LRRC4C: variants seen among roughly 807,000 people sequenced by gnomAD.
LRRC4C encodes the protein leucine rich repeat containing 4C, also known as leucine-rich repeat-containing protein 4C.
In LRRC4C, 5 loss-of-function variants were observed where a neutral mutation model predicts 33.6. The ratio of observed to expected loss-of-function variants is 0.15; its 90% CI spans 0.08 to 0.31. The LOEUF is 0.31. LRRC4C is among the 10% of genes least tolerant of loss of function. The probability of loss-of-function intolerance (pLI) is 1.00; values close to 1 mark genes in which losing one functional copy is unlikely to be tolerated. For missense variants in LRRC4C, 560 were observed against 796.7 expected (o/e 0.70, Z 3.58); for synonymous variants, 329 against 302.0 (o/e 1.09, Z -0.93).
chr11:40,425,720 G>T (rs942572150), intron 3 of LRRC4C, among the ~76,000 whole-genome samples: 13 of 152,192 alleles, frequency 8.5e-5, no homozygotes, highest in Non-Finnish European at 1.8e-4. Flanking sequence ...GACACTAATT[G>T]TCTTGTCTCA....
chr11:40,318,592 GTT>G (rs1163189816), intron 4 of LRRC4C, among the ~76,000 whole-genome samples: 2 of 151,758 alleles, frequency 1.3e-5, no homozygotes, highest in East Asian at 3.9e-4. Context: ...TATTTCCTTG[GTT>G]TTGTTTTTAC....
At chr11:40,323,430 C>G (rs1945948858) in intron 3 of LRRC4C, among the ~76,000 whole-genome samples, 1 of 152,212 alleles carries the variant, frequency 6.6e-6, no homozygotes, top group South Asian at 2.1e-4. Flanking sequence ...TTCTTGCCAA[C>G]TTGGAACAGA....
intron 3 of LRRC4C, among the ~76,000 whole-genome samples, chr11:40,609,318 C>T (rs1960956171): frequency 6.6e-6 from 1 of 151,764 alleles, no homozygotes; most frequent in African/African-American, 2.4e-5. Context: ...CCTAAATAAG[C>T]AATGGGTCAA....
At chr11:40,699,540 A>G (rs4556532) in intron 2 of LRRC4C, among the ~76,000 whole-genome samples, 30,502 of 152,188 alleles carry the variant, frequency 0.2, 3,405 homozygotes, top group East Asian at 0.44. Flanking sequence ...TCCCAATGCC[A>G]TGTTGACTCG....
chr11:41,018,893 G>A (rs1011162598), intron 1 of LRRC4C, among the ~76,000 whole-genome samples: 1 of 151,998 alleles, frequency 6.6e-6, no homozygotes, highest in African/African-American at 2.4e-5. Context: ...TTGATATTGA[G>A]GTGCAATTTA....
At chr11:41,289,554 C>T (rs756538678) in intron 1 of LRRC4C, among the ~76,000 whole-genome samples, 8 of 152,096 alleles carry the variant, frequency 5.3e-5, no homozygotes, top group Non-Finnish European at 8.8e-5. Context: ...GAGAGTTCTC[C>T]CCTTCTACAT....
chr11:40,474,132 C>T (rs545496815), intron 3 of LRRC4C, among the ~76,000 whole-genome samples: 10 of 152,110 alleles, frequency 6.6e-5, no homozygotes, highest in Admixed American at 2.0e-4. Context: ...CCAAGAAGTG[C>T]CCATATAGCC....
intron 1 of LRRC4C, among the ~76,000 whole-genome samples, chr11:41,458,363 T>C (rs919792238): frequency 1.3e-5 from 2 of 152,124 alleles, no homozygotes; most frequent in African/African-American, 4.8e-5. Flanking sequence ...TAGAAACCTA[T>C]TTACAAGTGA....
At chr11:40,208,327 T>C (rs144598558) in intron 5 of LRRC4C, among the ~76,000 whole-genome samples, 2 of 152,274 alleles carry the variant, frequency 1.3e-5, no homozygotes, top group South Asian at 2.1e-4. Context: ...GGGAAGTCAA[T>C]TGAAATTCTA....
intron 4 of LRRC4C, among the ~76,000 whole-genome samples, chr11:40,284,985 G>A (rs1350578403): frequency 6.6e-6 from 1 of 152,020 alleles, no homozygotes; most frequent in Non-Finnish European, 1.5e-5. Flanking sequence ...GGCATCCACT[G>A]GGGATCATGG....
At chr11:40,623,442 C>T (rs1962647286) in intron 3 of LRRC4C, among the ~76,000 whole-genome samples, 1 of 151,852 alleles carries the variant, frequency 6.6e-6, no homozygotes, top group Non-Finnish European at 1.5e-5. Context: ...ACTTATCTAG[C>T]TATGAAAATA....
intron 3 of LRRC4C, among the ~76,000 whole-genome samples, chr11:40,391,584 C>T (rs1160819540): frequency 1.3e-5 from 2 of 152,172 alleles, no homozygotes; most frequent in East Asian, 1.9e-4. Context: ...AGTATTTGAA[C>T]TCAGTCCACC....
At chr11:40,633,554 AATTTTTGT>A (rs1963703600) in intron 3 of LRRC4C, among the ~76,000 whole-genome samples, 1 of 151,562 alleles carries the variant, frequency 6.6e-6, no homozygotes, top group Non-Finnish European at 1.5e-5. Context: ...ACGCCTGGCT[AATTTTTGT>A]ATTTTTAGTA....
chr11:41,396,048 AT>A (rs543944611), intron 1 of LRRC4C, among the ~76,000 whole-genome samples: 69 of 152,018 alleles, frequency 4.5e-4, no homozygotes, highest in African/African-American at 1.6e-3. Flanking sequence ...ACTTTTTGCT[AT>A]TTTTTTCGGC....
chr11:40,651,654 C>T (rs1942812297), intron 2 of LRRC4C, among the ~76,000 whole-genome samples: 1 of 152,184 alleles, frequency 6.6e-6, no homozygotes, highest in Non-Finnish European at 1.5e-5. Flanking sequence ...GCACACCCTT[C>T]TGCTTATCAG....
At chr11:41,317,724 A>T (rs1311688436) in intron 1 of LRRC4C, among the ~76,000 whole-genome samples, 1 of 152,188 alleles carries the variant, frequency 6.6e-6, no homozygotes. Context: ...CATAATAGAC[A>T]ATGGTTTGAG....
intron 1 of LRRC4C, among the ~76,000 whole-genome samples, chr11:41,120,617 A>G (rs1343091524): frequency 6.6e-6 from 1 of 152,174 alleles, no homozygotes; most frequent in Non-Finnish European, 1.5e-5. Context: ...CAGGCTACCT[A>G]GTCTTTTCTG....
intron 3 of LRRC4C, among the ~76,000 whole-genome samples, chr11:40,335,370 C>T (rs1946551083): frequency 6.6e-6 from 1 of 152,172 alleles, no homozygotes; most frequent in Non-Finnish European, 1.5e-5. Context: ...ACACCTAAGT[C>T]CTCTCTTATT....
intron 1 of LRRC4C, among the ~76,000 whole-genome samples, chr11:41,419,289 TAC>T (rs1187879335): frequency 6.6e-6 from 1 of 151,962 alleles, no homozygotes; most frequent in Non-Finnish European, 1.5e-5. Context: ...AGTCAATTTG[TAC>T]AGTCATAGGT....
Sources: allele counts gnomAD v4.1 joint callset (sites outside exome capture counted in the v4.1 genomes callset), GRCh38; gene constraint gnomAD v4.1.1; transcripts MANE v1.5; gene names NCBI Gene and HGNC (gene_info 2026-07-23, HGNC 2026-07-21).